Variants in CHM observed in about 807,000 individuals in gnomAD.
CHM encodes CHM Rab escort protein, also known as rab proteins geranylgeranyltransferase component A 1.
In CHM, 10 loss-of-function variants were observed where a neutral mutation model predicts 49.0. That is an observed-to-expected ratio of 0.20 (90% CI 0.13 to 0.35). The LOEUF is 0.35. CHM is among the 10% of genes least tolerant of loss of function. The probability of loss-of-function intolerance (pLI) is 1.00; values close to 1 mark genes in which losing one functional copy is unlikely to be tolerated. For missense variants in CHM, 455 were observed against 478.4 expected, an observed-to-expected ratio of 0.95 and a Z score of 0.46; for synonymous variants, 184 against 167.5, an observed-to-expected ratio of 1.10 and a Z score of -0.76.
intron 13 of CHM, among the ~76,000 whole-genome samples, chrX:85,878,217 C>T (rs1197434818): frequency 8.9e-6 from 1 of 112,030 alleles, no homozygotes. Context: ...CAGTGGCTCA[C>T]GCCTTTAATT....
chrX:85,908,624 C>A lies in CHM; in HGVS notation c.1244+2637G>T, dbSNP rs182339328. On this transcript the variant is annotated intron_variant, in intron 9 of 14. Transcript: ENST00000357749. ...TCAAGTTTTAAAAACTGGCAAGTTACAGAAATAAATAATTATAGCTTAGAA... is the reference window on the plus strand; with the variant it reads ...TCAAGTTTTAAAAACTGGCAAGTTAAAGAAATAAATAATTATAGCTTAGAA... Among the ~76,000 whole-genome samples, 8 of 111,027 alleles carry A rather than the reference C, an allele frequency of 7.2e-5. No homozygotes were observed. In the East Asian group the frequency reaches 2.0e-3, roughly 27 times the overall value.
chrX:85,883,970 T>C, intron 12 of CHM, among the ~76,000 whole-genome samples: 1 of 110,288 alleles, frequency 9.1e-6, no homozygotes, highest in East Asian at 2.8e-4. Flanking sequence ...AACATGAAAA[T>C]GAATGTCGAA....
At chrX:85,981,477 G>T (rs949806112) in intron 3 of CHM, among the ~76,000 whole-genome samples, 50 of 110,084 alleles carry the variant, frequency 4.5e-4, no homozygotes, top group Admixed American at 2.7e-3. Context: ...CAGGTGATCC[G>T]CCCACCTTGG....
At chrX:86,025,393 G>C (rs1235063663) in intron 2 of CHM, among the ~76,000 whole-genome samples, 3 of 111,112 alleles carry the variant, frequency 2.7e-5, no homozygotes, top group African/African-American at 6.6e-5. Flanking sequence ...TCTGGAATAA[G>C]AAAACACAAA....
chrX:86,042,892 A>C (rs969124860), intron 1 of CHM, among the ~76,000 whole-genome samples: 1 of 111,173 alleles, frequency 9.0e-6, no homozygotes, highest in African/African-American at 3.3e-5. Context: ...AAGAGTACCA[A>C]GCCATGAGGG....
rs944625162 is a variant in CHM, at chrX:85,968,350, C to A, written c.315-4298G>T. The stretch of plus-strand genomic sequence containing the variant: ...TAGAATACAGGTGAAATGTCAACCT[C>A]TTGTCATGTTTACCCAAGAACAAAA... On this transcript the variant is annotated intron_variant, in intron 4 of 14. Transcript: ENST00000357749. Among the ~76,000 whole-genome samples the A allele has an allele frequency of 2.7e-5, 3 of 112,368 alleles. No homozygotes were observed. In the Admixed American group the frequency reaches 2.8e-4, roughly 11 times the overall value.
chrX:86,033,233 AG>A (rs1336663450), intron 1 of CHM, among the ~76,000 whole-genome samples: 3 of 111,869 alleles, frequency 2.7e-5, no homozygotes, highest in Non-Finnish European at 5.6e-5. Context: ...CATAAAATAA[AG>A]TACTTACACC....
rs944923545 is a variant in CHM at position 85,862,900 on chromosome X, T to C, written c.*1730A>G. 9.0e-6 allele frequency: 1 copy of C among 111,199 alleles called. No individual in the cohort carries two copies. 9.2% of individuals were successfully genotyped at this position (111,199 alleles called of 1,213,427 possible). A position where few individuals can be genotyped will look rare whatever the true frequency, so the allele number is the denominator to read the frequency against. ...AACTATGTACTTTACATTGGAGCCA[T>C]GGCTTCCTGACAGACAATATAGGCC... On this transcript the variant is annotated 3_prime_UTR_variant, in exon 15 of 15. Coordinates refer to ENST00000357749, the MANE Select transcript of CHM (RefSeq NM_000390.4).
rs769560030 is a variant in CHM, at chrX:85,894,170, C to T, written c.1510+18G>A. ...CTAAACAAACACAAAATACAAATAACCACTCTACTATGCTTACAGGTGCCT... is the reference window on the plus strand; with the variant it reads ...CTAAACAAACACAAAATACAAATAATCACTCTACTATGCTTACAGGTGCCT... On this transcript the variant is annotated intron_variant, in intron 12 of 14. Coordinates refer to ENST00000357749, the MANE Select transcript of CHM (RefSeq NM_000390.4). The T allele has an allele frequency of 2.6e-6, 3 of 1,159,312 alleles. No homozygotes were observed. The highest frequency in any genetic ancestry group is 3.5e-6 in the Non-Finnish European group (3 of 848,139).
At chrX:86,032,082 GTTCAAA>G (rs1934066470) in intron 1 of CHM, among the ~76,000 whole-genome samples, 1 of 111,916 alleles carries the variant, frequency 8.9e-6, no homozygotes, top group African/African-American at 3.2e-5. Context: ...AATAACACCT[GTTCAAA>G]TTCAATGCTT....
intron 2 of CHM, among the ~76,000 whole-genome samples, chrX:85,982,533 A>G (rs1368067425): frequency 8.9e-6 from 1 of 112,171 alleles, no homozygotes; most frequent in Non-Finnish European, 1.9e-5. Flanking sequence ...AGGTCTCCTA[A>G]ATAGGTCAGG....
intron 1 of CHM, among the ~76,000 whole-genome samples, chrX:86,041,313 T>A (rs187446457): frequency 1.1e-3 from 127 of 111,427 alleles, no homozygotes; most frequent in Non-Finnish European, 5.1e-4. Context: ...GTTAGATAAC[T>A]CTTTACTTTT....
chrX:86,038,628 A>G (rs1211514842), intron 1 of CHM, among the ~76,000 whole-genome samples: 1 of 112,131 alleles, frequency 8.9e-6, no homozygotes, highest in East Asian at 2.8e-4. Flanking sequence ...ATTCCTACTG[A>G]AGCAAATCAT....
intron 2 of CHM, among the ~76,000 whole-genome samples, chrX:86,024,756 T>C (rs1191074166): frequency 1.8e-5 from 2 of 112,445 alleles, no homozygotes; most frequent in East Asian, 2.8e-4. Context: ...TGTTCTATTA[T>C]TATCAAAATC....
intron 12 of CHM, among the ~76,000 whole-genome samples, chrX:85,889,728 T>C (rs892490351): frequency 9.0e-6 from 1 of 111,026 alleles, no homozygotes; most frequent in Non-Finnish European, 1.9e-5. Flanking sequence ...AAAGAAATCA[T>C]TGTACAAAGA....
At chrX:85,973,300 CAAAAAAAAAAAAA>C (rs58103002) in intron 4 of CHM, among the ~76,000 whole-genome samples, 410 of 16,306 alleles carry the variant, frequency 0.025, 6 homozygotes, top group African/African-American at 0.11. Context: ...TCTGTCTCGA[CAAAAAAAAAAAAA>C]AAAAAAAAAA....
chrX:85,901,090 T>G lies in CHM; in HGVS notation c.1343A>C (p.Gln448Pro), dbSNP rs1215519356. The G allele has an allele frequency of 1.7e-6, 2 of 1,191,767 alleles. No individual in the cohort carries two copies. Among genetic ancestry groups the G allele is most frequent in the Admixed American group, 4.4e-5 (2 of 45,684 alleles). ...TGGGTGGAGGGGGCCTTACCTGTAT[T>G]GCACACGTGAGCACATGTTCTCAGG... ...YFPENMCSRV[Q>P]YRQISRAVLI... The change falls in exon 10 of 15, where the codon CAA becomes CCA. Residue 448 changes from glutamine to proline, a missense_variant. Coordinates refer to ENST00000357749, the MANE Select transcript of CHM (RefSeq NM_000390.4).
intron 8 of CHM, 102 bp downstream of exon 8, chrX:85,956,051 A>G: frequency 1.6e-6 from 1 of 633,806 alleles, no homozygotes; most frequent in Non-Finnish European, 2.5e-6. Flanking sequence ...ATATATTTGC[A>G]TATACTAAAT....
At chrX:85,995,755 C>T (rs1377167235) in intron 2 of CHM, among the ~76,000 whole-genome samples, 2 of 111,923 alleles carry the variant, frequency 1.8e-5, no homozygotes, top group Non-Finnish European at 3.8e-5. Flanking sequence ...TAAATGGTAG[C>T]TATTATTACA....
Sources: allele counts gnomAD v4.1 joint callset (sites outside exome capture counted in the v4.1 genomes callset), GRCh38; gene constraint gnomAD v4.1.1; transcripts MANE v1.5; gene names NCBI Gene and HGNC (gene_info 2026-07-23, HGNC 2026-07-21).